The following MAGI2 variants were observed in gnomAD, a reference collection of about 807,000 sequenced individuals.
MAGI2 encodes membrane-associated guanylate kinase, WW and PDZ domain-containing protein 2.
MAGI2 carries 35 observed loss-of-function variants against 133.3 expected under a neutral mutation model. The observed-to-expected ratio is 0.26, with a 90% CI of 0.20 to 0.35. The LOEUF is 0.35. MAGI2 is among the 10% of genes least tolerant of loss of function. MAGI2 has a pLI of 1.00. For synonymous variants in MAGI2, 729 were observed against 710.6 expected, an observed-to-expected ratio of 1.03 and a Z score of -0.41; for missense variants, 1,636 against 1,863.4, an observed-to-expected ratio of 0.88 and a Z score of 2.25.
intron 1 of MAGI2, among the ~76,000 whole-genome samples, chr7:79,087,776 T>C (rs1029210358): frequency 4.6e-5 from 7 of 152,108 alleles, no homozygotes; most frequent in Non-Finnish European, 7.4e-5. Flanking sequence ...TGCTTGTTTT[T>C]GTCAGGTTTG....
chr7:78,249,661 C>G (rs912236814), intron 10 of MAGI2, among the ~76,000 whole-genome samples: 17 of 151,780 alleles, frequency 1.1e-4, no homozygotes, highest in Non-Finnish European at 5.9e-5. Context: ...GAGTTCATCT[C>G]ATAGAAATAG....
At chr7:79,375,211 A>G (rs1843302922) in intron 1 of MAGI2, among the ~76,000 whole-genome samples, 2 of 152,070 alleles carry the variant, frequency 1.3e-5, no homozygotes, top group African/African-American at 4.8e-5. Context: ...CCGATTGAGT[A>G]TAATTTCATT....
intron 21 of MAGI2, among the ~76,000 whole-genome samples, chr7:78,044,476 T>G (rs1422608368): frequency 6.6e-6 from 1 of 152,228 alleles, no homozygotes; most frequent in African/African-American, 2.4e-5. Context: ...GCAAATCACT[T>G]TGAATCAATG....
chr7:78,047,468 C>T (rs143801437), intron 21 of MAGI2, among the ~76,000 whole-genome samples: 3 of 152,296 alleles, frequency 2.0e-5, no homozygotes, highest in African/African-American at 7.2e-5. Flanking sequence ...TGTCCTAAAC[C>T]TGCTGTCTTC....
chr7:79,278,754 T>A (rs886921104), intron 1 of MAGI2, among the ~76,000 whole-genome samples: 2 of 152,188 alleles, frequency 1.3e-5, no homozygotes, highest in African/African-American at 4.8e-5. Context: ...GAAAGAGCAC[T>A]GCTTTAGGAA....
chr7:78,470,871 A>G (rs1563048822), intron 6 of MAGI2, among the ~76,000 whole-genome samples: 1 of 152,160 alleles, frequency 6.6e-6, no homozygotes. Context: ...ATACTTTACA[A>G]TAAGGTTAGC....
chr7:79,131,238 A>G (rs1465941162), intron 1 of MAGI2, among the ~76,000 whole-genome samples: 1 of 152,166 alleles, frequency 6.6e-6, no homozygotes, highest in Non-Finnish European at 1.5e-5. Flanking sequence ...CTCCCAATTC[A>G]TCGGTTCTGG....
chr7:79,368,746 GC>G (rs1842879970), intron 1 of MAGI2, among the ~76,000 whole-genome samples: 1 of 149,742 alleles, frequency 6.7e-6, no homozygotes, highest in African/African-American at 2.5e-5. Context: ...TACTTGGGAG[GC>G]TGAGGCAGGA....
At chr7:79,245,770 A>G (rs1017489825) in intron 1 of MAGI2, among the ~76,000 whole-genome samples, 12 of 152,184 alleles carry the variant, frequency 7.9e-5, no homozygotes, top group African/African-American at 1.7e-4. Flanking sequence ...GTACAGCCCT[A>G]TGCCCTTGAG....
intron 1 of MAGI2, among the ~76,000 whole-genome samples, chr7:79,029,661 G>T (rs117560727): frequency 0.022 from 3,330 of 152,246 alleles, 43 homozygotes; most frequent in South Asian, 0.056. Flanking sequence ...TGTTCACTCA[G>T]TGTTAATTAA....
intron 1 of MAGI2, among the ~76,000 whole-genome samples, chr7:79,245,618 T>G (rs907376431): frequency 1.9e-4 from 29 of 152,144 alleles, no homozygotes; most frequent in African/African-American, 7.0e-4. Context: ...TGCAGTAGAA[T>G]ATAGAACCAA....
chr7:78,369,438 G>C (rs1425319899), intron 6 of MAGI2, among the ~76,000 whole-genome samples: 1 of 151,994 alleles, frequency 6.6e-6, no homozygotes, highest in African/African-American at 2.4e-5. Flanking sequence ...TACACTGCTC[G>C]GTCTAGCCAT....
At chr7:79,401,282 A>G (rs1845451742) in intron 1 of MAGI2, among the ~76,000 whole-genome samples, 2 of 152,190 alleles carry the variant, frequency 1.3e-5, no homozygotes, top group African/African-American at 4.8e-5. Context: ...ATCAGTTCTC[A>G]AGTCTATTGT....
intron 21 of MAGI2, among the ~76,000 whole-genome samples, chr7:78,040,584 G>A (rs1395203748): frequency 6.6e-6 from 1 of 152,208 alleles, no homozygotes; most frequent in Non-Finnish European, 1.5e-5. Context: ...GGATCCCGCA[G>A]GTAGACGTAG....
chr7:79,034,146 A>G (rs1810894196), intron 1 of MAGI2, among the ~76,000 whole-genome samples: 1 of 152,170 alleles, frequency 6.6e-6, no homozygotes, highest in Admixed American at 6.5e-5. Context: ...GAGTTCTCCA[A>G]AAGAGTAATC....
At chr7:78,507,253 A>G (rs776525698) in intron 4 of MAGI2, among the ~76,000 whole-genome samples, 1 of 152,176 alleles carries the variant, frequency 6.6e-6, no homozygotes. Flanking sequence ...TCCCATATTT[A>G]TTACTCACAA....
intron 2 of MAGI2, among the ~76,000 whole-genome samples, chr7:78,633,987 A>G (rs1181241522): frequency 3.3e-5 from 5 of 152,212 alleles, no homozygotes; most frequent in African/African-American, 1.2e-4. Flanking sequence ...GAAAACTACA[A>G]TTTCACAAAT....
At chr7:78,284,250 G>T (rs1795922806) in intron 9 of MAGI2, among the ~76,000 whole-genome samples, 1 of 151,966 alleles carries the variant, frequency 6.6e-6, no homozygotes, top group Non-Finnish European at 1.5e-5. Context: ...CCAGTTTCTA[G>T]TTATTTTTTG....
At chr7:78,222,835 C>A (rs568822091) in intron 10 of MAGI2, among the ~76,000 whole-genome samples, 19 of 152,132 alleles carry the variant, frequency 1.2e-4, no homozygotes, top group African/African-American at 4.1e-4. Context: ...GAATTTATAC[C>A]CAGAACATGG....
Sources: allele counts gnomAD v4.1 joint callset (sites outside exome capture counted in the v4.1 genomes callset), GRCh38; gene constraint gnomAD v4.1.1; transcripts MANE v1.5; gene names NCBI Gene and HGNC (gene_info 2026-07-23, HGNC 2026-07-21).